POLN: variants seen among roughly 807,000 people sequenced by gnomAD.
POLN encodes DNA polymerase nu.
In POLN, 108 loss-of-function variants were observed where a neutral mutation model predicts 113.5. The observed-to-expected ratio is 0.95, with a 90% confidence interval of 0.81 to 1.12. The LOEUF (loss-of-function observed/expected upper bound fraction) is 1.12, where lower values mean the gene tolerates loss of function less well. Among genes scored for constraint, POLN ranks in the 50% most tolerant of loss-of-function variants. POLN has a pLI of 0.00. For missense variants in POLN, 1,097 were observed against 1,077.1 expected, an observed-to-expected ratio of 1.02 and a Z score of -0.26; for synonymous variants, 386 against 391.5, an observed-to-expected ratio of 0.99 and a Z score of 0.17.
intron 16 of POLN, among the ~76,000 whole-genome samples, chr4:2,153,337 G>A (rs1732339330): frequency 6.6e-6 from 1 of 152,186 alleles, no homozygotes; most frequent in Non-Finnish European, 1.5e-5. Flanking sequence ...GGGCTACCAA[G>A]AGCACTGGGA....
At chr4:2,147,579 A>G (rs1732175698) in intron 16 of POLN, among the ~76,000 whole-genome samples, 1 of 149,456 alleles carries the variant, frequency 6.7e-6, no homozygotes, top group South Asian at 2.1e-4. Flanking sequence ...ATGACCCCAA[A>G]CCAAATGATT....
rs374386185 is a variant in POLN, at chr4:2,095,939, T to C, written c.1983-6A>G. ...GTTCCACGGGCACATCCTTCCTGCA[T>C]GGAGAGACCATGTGTGAAGTTCAGG... On this transcript the variant is annotated splice_polypyrimidine_tract_variant and splice_region_variant and intron_variant, in intron 19 of 25. Coordinates refer to ENST00000511885, the MANE Select transcript of POLN (RefSeq NM_181808.4). 2.3e-5 allele frequency: 37 copies of C among 1,613,840 alleles called. No homozygotes were observed. The highest frequency in any genetic ancestry group is 2.9e-5 in the Non-Finnish European group (34 of 1,179,876).
At chr4:2,131,576 A>T (rs1186663778) in intron 16 of POLN, among the ~76,000 whole-genome samples, 3 of 152,242 alleles carry the variant, frequency 2.0e-5, no homozygotes, top group African/African-American at 7.2e-5. Flanking sequence ...AGCCCAAATT[A>T]TGAACTCAGT....
chr4:2,238,625 G>C (rs142677375), intron 2 of POLN: 3 of 1,601,738 alleles, frequency 1.9e-6, no homozygotes, highest in Admixed American at 1.7e-5. Flanking sequence ...ATAATCCTTA[G>C]TATCAATGGT....
intron 3 of POLN, among the ~76,000 whole-genome samples, chr4:2,213,894 G>A (rs1560096142): frequency 6.6e-6 from 1 of 152,156 alleles, no homozygotes; most frequent in African/African-American, 2.4e-5. Flanking sequence ...AGACCCTACA[G>A]GGATATTTTA....
chr4:2,204,644 A>G (rs1733801542), intron 5 of POLN, among the ~76,000 whole-genome samples: 1 of 152,188 alleles, frequency 6.6e-6, no homozygotes, highest in Non-Finnish European at 1.5e-5. Context: ...CCAAAAGAGA[A>G]AACTACAGAC....
chr4:2,113,074 A>C lies in POLN; in HGVS notation c.1982+15039T>G, dbSNP rs929241552. On this transcript the variant is annotated intron_variant, in intron 19 of 25. Coordinates refer to ENST00000511885, the MANE Select transcript of POLN (RefSeq NM_181808.4). ...TGCAGCCGTAAAAAATGATGAGTTC[A>C]TGTCCTTTGTAGGGACATGGATGAA... Among the ~76,000 whole-genome samples the C allele has an allele frequency of 4.5e-4, 69 of 152,136 alleles. 1 individual carries two copies. Among genetic ancestry groups the C allele is most frequent in the African/African-American group, 1.6e-3 (65 of 41,510 alleles).
intron 16 of POLN, among the ~76,000 whole-genome samples, chr4:2,133,291 A>G (rs1731772828): frequency 6.6e-6 from 1 of 152,242 alleles, no homozygotes; most frequent in Non-Finnish European, 1.5e-5. Flanking sequence ...AAAATGCCAT[A>G]TGATCCAGCA....
chr4:2,194,566 A>T (rs566450692), intron 6 of POLN, among the ~76,000 whole-genome samples: 1 of 152,222 alleles, frequency 6.6e-6, no homozygotes, highest in African/African-American at 2.4e-5. Context: ...TATGAAGGAG[A>T]AGAACTGGGG....
chr4:2,200,317 G>C (rs945662361), intron 5 of POLN, among the ~76,000 whole-genome samples: 4 of 152,182 alleles, frequency 2.6e-5, no homozygotes, highest in Non-Finnish European at 4.4e-5. Flanking sequence ...ATGGCAGATG[G>C]GAGGCAGGAC....
At chr4:2,201,203 G>A (rs1211220691) in intron 5 of POLN, among the ~76,000 whole-genome samples, 2 of 122,198 alleles carry the variant, frequency 1.6e-5, no homozygotes, top group Non-Finnish European at 3.2e-5. Context: ...GGAGGTGGAG[G>A]TTACAGTGAG....
Position 2,184,002 on chromosome 4 carries a change from C to T in POLN, c.1022-4537G>A, listed in dbSNP as rs1198227937. On this transcript the variant is annotated intron_variant, in intron 7 of 25. Transcript: ENST00000511885. Reference sequence around the variant, plus strand: ...CTGAGTAGCTGGAACTACAGGCGCACGCCATCATGCCCGGCTAATTTTCAT... The same window carrying T: ...CTGAGTAGCTGGAACTACAGGCGCATGCCATCATGCCCGGCTAATTTTCAT... Among the ~76,000 whole-genome samples the T allele has an allele frequency of 4.6e-5, 7 of 151,740 alleles. No individual in the cohort carries two copies. The East Asian group carries it at 7.7e-4, about 17-fold the overall frequency.
At chr4:2,219,076 T>C (rs915971443) in intron 3 of POLN, among the ~76,000 whole-genome samples, 2 of 152,188 alleles carry the variant, frequency 1.3e-5, no homozygotes, top group Admixed American at 1.3e-4. Flanking sequence ...AGAGCTCTCA[T>C]CCTCAGGCCA....
chr4:2,227,007 AG>A (rs1412302551), intron 3 of POLN, among the ~76,000 whole-genome samples: 1 of 152,214 alleles, frequency 6.6e-6, no homozygotes, highest in Non-Finnish European at 1.5e-5. Flanking sequence ...TGTGGTGGAA[AG>A]ACTCCAAGGT....
intron 5 of POLN, among the ~76,000 whole-genome samples, chr4:2,206,535 TCAAA>T (rs1733849513): frequency 6.6e-6 from 1 of 151,960 alleles, no homozygotes; most frequent in Non-Finnish European, 1.5e-5. Flanking sequence ...CTACAATGAC[TCAAA>T]CAAATTAGCA....
intron 5 of POLN, among the ~76,000 whole-genome samples, chr4:2,199,050 T>C (rs987911906): frequency 3.9e-5 from 6 of 152,066 alleles, no homozygotes; most frequent in South Asian, 2.1e-4. Flanking sequence ...AAGGAACCTA[T>C]AAAAAACGAA....
chr4:2,171,299 T>C (rs1030318041), intron 11 of POLN, 118 bp from the exon 12 acceptor site: 2 of 832,428 alleles, frequency 2.4e-6, no homozygotes, highest in South Asian at 3.6e-5. Flanking sequence ...ATGCCTGTGA[T>C]ACCAGCCCTT....
chr4:2,157,212 T>C (rs1732457588), intron 15 of POLN, among the ~76,000 whole-genome samples: 1 of 152,164 alleles, frequency 6.6e-6, no homozygotes, highest in African/African-American at 2.4e-5. Flanking sequence ...CTGTGTGAAC[T>C]TGAACGAGTC....
chr4:2,115,228 A>ATATATATT (rs72052264), intron 19 of POLN, among the ~76,000 whole-genome samples: 50 of 129,990 alleles, frequency 3.8e-4, no homozygotes, highest in Middle Eastern at 3.8e-3. Flanking sequence ...ATATATATAT[A>ATATATATT]TTTTTTTTTT....
Sources: gnomAD v4.1 joint callset for allele counts (sites outside exome capture counted in the v4.1 genomes callset) on GRCh38, gnomAD v4.1.1 for gene constraint, MANE v1.5 for transcripts, NCBI Gene and HGNC (gene_info 2026-07-23, HGNC 2026-07-21) for gene names.